Variants in PALMD observed in about 807,000 individuals in gnomAD.
The protein encoded by PALMD is palmdelphin.
A neutral mutation model predicts 56.2 loss-of-function variants in PALMD; 42 were observed. That is an observed-to-expected ratio of 0.75 (90% CI 0.58 to 0.97). The LOEUF is 0.97. PALMD is among the 50% of genes least tolerant of loss of function. The pLI, the probability that PALMD is intolerant of heterozygous loss-of-function variation, is 0.00. For missense variants in PALMD, 660 were observed against 643.8 expected, an observed-to-expected ratio of 1.03 and a Z score of -0.27; for synonymous variants, 242 against 222.9, an observed-to-expected ratio of 1.09 and a Z score of -0.76.
At chr1:99,671,315 G>T (rs114652124) in intron 3 of PALMD, among the ~76,000 whole-genome samples, 1 of 152,088 alleles carries the variant, frequency 6.6e-6, no homozygotes, top group African/African-American at 2.4e-5. Flanking sequence ...CTGAAATAGC[G>T]TTGCCTCTGG....
intron 7 of PALMD, 25 bp from the exon 8 acceptor site, chr1:99,693,994 C>A: frequency 1.3e-6 from 2 of 1,548,252 alleles, no homozygotes; most frequent in Non-Finnish European, 1.8e-6. Flanking sequence ...TTTTATAACT[C>A]TCTTTTTTTT....
At chr1:99,659,766 G>A (rs1406210650) in intron 1 of PALMD, among the ~76,000 whole-genome samples, 2 of 152,168 alleles carry the variant, frequency 1.3e-5, no homozygotes, top group African/African-American at 2.4e-5. Context: ...TGAGGAAAAA[G>A]TATGCCTATC....
intron 1 of PALMD, among the ~76,000 whole-genome samples, chr1:99,653,256 G>T (rs834988): frequency 0.69 from 104,850 of 152,046 alleles, 36,852 homozygotes; most frequent in African/African-American, 0.82. Flanking sequence ...CTACTGATTG[G>T]CTGGCCTGCT....
At chr1:99,656,534 A>C (rs1304585782) in intron 1 of PALMD, among the ~76,000 whole-genome samples, 1 of 152,226 alleles carries the variant, frequency 6.6e-6, no homozygotes, top group Non-Finnish European at 1.5e-5. Context: ...TAGAAAAATG[A>C]ATCTGAAAAC....
chr1:99,663,638 A>G (rs541606173), intron 2 of PALMD, among the ~76,000 whole-genome samples: 5 of 152,114 alleles, frequency 3.3e-5, no homozygotes, highest in South Asian at 4.2e-4. Flanking sequence ...GGATCTCCCA[A>G]TGAACTACTT....
At chr1:99,675,833 T>G (rs1168702652) in intron 3 of PALMD, among the ~76,000 whole-genome samples, 1 of 152,216 alleles carries the variant, frequency 6.6e-6, no homozygotes, top group African/African-American at 2.4e-5. Flanking sequence ...GCTTTTCTAC[T>G]AAATCACTCT....
chr1:99,692,499 C>A (rs1212863587), intron 7 of PALMD, among the ~76,000 whole-genome samples: 1 of 152,128 alleles, frequency 6.6e-6, no homozygotes, highest in Non-Finnish European at 1.5e-5. Flanking sequence ...CTATTGCCAA[C>A]ATGCTCTGGC....
At chr1:99,678,753 C>T (rs1377804027) in intron 3 of PALMD, among the ~76,000 whole-genome samples, 1 of 152,078 alleles carries the variant, frequency 6.6e-6, no homozygotes, top group African/African-American at 2.4e-5. Context: ...GAGAATCAAG[C>T]TAGAATTGCT....
intron 1 of PALMD, among the ~76,000 whole-genome samples, chr1:99,653,830 A>G (rs999729517): frequency 2.0e-5 from 3 of 151,942 alleles, no homozygotes; most frequent in Non-Finnish European, 4.4e-5. Context: ...CTTCCACCCA[A>G]TCTTCATGAC....
In PALMD at chr1:99,689,849, G is replaced by A. The variant is rs765344446; in HGVS notation, c.1589G>A (p.Gly530Glu). The change falls in exon 7 of 8, where the codon GGG (glycine) becomes GAG (glutamate). Residue 530 changes from glycine (G) to glutamate (E), a missense_variant. Coordinates refer to ENST00000263174, the MANE Select transcript of PALMD (RefSeq NM_017734.5). Reference protein sequence around the residue: ...SPFDAQTTGDGTEDPSLTALR... With the variant: ...SPFDAQTTGDETEDPSLTALR... ...TTTGATGCTCAGACAACTGGAGATG[G>A]GACTGAGGATCCATCCTTAACAGGT... 3 of 1,609,866 alleles carry A rather than the reference G, an allele frequency of 1.9e-6. No individual in the cohort carries two copies. Among genetic ancestry groups the A allele is most frequent in the Non-Finnish European group, 8.5e-7 (1 of 1,179,150 alleles).
chr1:99,679,203 G>C lies in PALMD; in HGVS notation c.252-7473G>C, dbSNP rs543918862. ...AATTCATCAGTCCCTTCAAAGTATA[G>C]ATAAGAGCCAGTCATAAACTTAATT... is the stretch of plus-strand genomic sequence containing the variant. On this transcript the variant is annotated intron_variant, in intron 3 of 7. Transcript: ENST00000263174. Among the ~76,000 whole-genome samples the C allele has an allele frequency of 2.6e-5, 4 of 152,244 alleles. No individual in the cohort carries two copies. In the South Asian group the frequency reaches 8.3e-4, roughly 32 times the overall value.
At chr1:99,661,012 A>C (rs939081100) in intron 1 of PALMD, among the ~76,000 whole-genome samples, 1 of 152,226 alleles carries the variant, frequency 6.6e-6, no homozygotes, top group Admixed American at 6.5e-5. Flanking sequence ...GAAATTACAC[A>C]TCAAAAAAGA....
At chr1:99,680,932 A>C (rs1486946753) in intron 3 of PALMD, among the ~76,000 whole-genome samples, 1 of 151,994 alleles carries the variant, frequency 6.6e-6, no homozygotes, top group African/African-American at 2.4e-5. Flanking sequence ...CCAAGACAAA[A>C]AATTGCATGT....
intron 3 of PALMD, among the ~76,000 whole-genome samples, chr1:99,678,383 G>T (rs373721449): frequency 3.3e-5 from 5 of 152,082 alleles, no homozygotes; most frequent in Non-Finnish European, 4.4e-5. Flanking sequence ...GGGATTACAG[G>T]CCTAAGCCAC....
At chr1:99,667,905 C>A in intron 3 of PALMD, 139 bp downstream of exon 3, 2 of 749,334 alleles carry the variant, frequency 2.7e-6, no homozygotes, top group Non-Finnish European at 4.3e-6. Context: ...TTAAGGCACG[C>A]TTTCACACTG....
chr1:99,682,685 G>A (rs1406436111), intron 3 of PALMD, among the ~76,000 whole-genome samples: 1 of 151,842 alleles, frequency 6.6e-6, no homozygotes. Flanking sequence ...TTGTCTCTAT[G>A]CCCCAGGAAA....
chr1:99,660,191 C>T (rs1194617461), intron 1 of PALMD, among the ~76,000 whole-genome samples: 1 of 152,176 alleles, frequency 6.6e-6, no homozygotes, highest in East Asian at 1.9e-4. Context: ...CTAGTGCTGC[C>T]TCCTGGCCAC....
intron 1 of PALMD, among the ~76,000 whole-genome samples, chr1:99,649,838 G>A (rs542668341): frequency 5.4e-4 from 82 of 152,280 alleles, no homozygotes; most frequent in Middle Eastern, 3.4e-3. Flanking sequence ...CAATTTCAGA[G>A]AACAGACTCA....
chr1:99,661,165 T>C (rs1233197684), intron 1 of PALMD, among the ~76,000 whole-genome samples: 1 of 152,218 alleles, frequency 6.6e-6, no homozygotes, highest in African/African-American at 2.4e-5. Context: ...GATGTCTTCA[T>C]TGGCAACAAA....
Sources: gnomAD v4.1 joint callset for allele counts (sites outside exome capture counted in the v4.1 genomes callset) on GRCh38, gnomAD v4.1.1 for gene constraint, MANE v1.5 for transcripts, NCBI Gene and HGNC (gene_info 2026-07-23, HGNC 2026-07-21) for gene names.